PSMD11: variants seen among roughly 807,000 people sequenced by gnomAD.
The protein encoded by PSMD11 is 26S proteasome non-ATPase regulatory subunit 11.
Under a neutral mutation model 62.3 loss-of-function variants are expected in PSMD11, and 5 were observed. The observed-to-expected ratio is 0.08, with a 90% CI of 0.04 to 0.17. The LOEUF is 0.17. Among genes scored for constraint, PSMD11 ranks in the 10% least tolerant of loss-of-function variants. The pLI is 1.00. For missense variants in PSMD11, 310 were observed against 512.9 expected, an observed-to-expected ratio of 0.60 and a Z score of 3.82; for synonymous variants, 191 against 191.8, an observed-to-expected ratio of 1.00 and a Z score of 0.03.
At chr17:32,477,782 A>G (rs1908373298) in intron 9 of PSMD11, 199 bp downstream of exon 9, 7 of 384,162 alleles carry the variant, frequency 1.8e-5, no homozygotes, top group Non-Finnish European at 3.2e-5. Flanking sequence ...GATATAAAAT[A>G]TATATTATTT....
At chr17:32,474,661 G>C in intron 7 of PSMD11, 103 bp from the exon 8 acceptor site, 1 of 1,122,194 alleles carries the variant, frequency 8.9e-7, no homozygotes, top group Non-Finnish European at 1.4e-6. Context: ...TGTGTGGGCA[G>C]AGTCTTTATT....
intron 3 of PSMD11, among the ~76,000 whole-genome samples, chr17:32,456,007 G>C (rs995300642): frequency 6.6e-6 from 1 of 151,878 alleles, no homozygotes; most frequent in Non-Finnish European, 1.5e-5. Context: ...AGCCAGGTGT[G>C]GTGGTGGGCG....
At chr17:32,457,325 C>A (rs1290091533) in intron 3 of PSMD11, among the ~76,000 whole-genome samples, 1 of 152,074 alleles carries the variant, frequency 6.6e-6, no homozygotes, top group Non-Finnish European at 1.5e-5. Context: ...GCAGCCTCAA[C>A]CTCCTGGAGT....
chr17:32,480,824 A>T lies in PSMD11; in HGVS notation c.*72A>T. 1 of 564,068 alleles carries T rather than the reference A, an allele frequency of 1.8e-6. No individual in the cohort carries two copies. 34.9% of individuals were successfully genotyped at this position (564,068 alleles called of 1,614,324 possible). A position where few individuals can be genotyped will look rare whatever the true frequency, so the allele number is the denominator to read the frequency against. On this transcript the variant is annotated 3_prime_UTR_variant, in exon 14 of 14. Coordinates refer to ENST00000261712, the MANE Select transcript of PSMD11 (RefSeq NM_002815.4). Reference sequence around the variant, plus strand: ...TGAAACCTTGGGGGAAAATGCTAGGAGATTCTTTTTTCTTTTTGTTCTACT... The same window carrying T: ...TGAAACCTTGGGGGAAAATGCTAGGTGATTCTTTTTTCTTTTTGTTCTACT...
chr17:32,467,981 G>T (rs1908046360), intron 5 of PSMD11, among the ~76,000 whole-genome samples: 1 of 152,124 alleles, frequency 6.6e-6, no homozygotes, highest in East Asian at 1.9e-4. Context: ...AGGCCTTAGT[G>T]TGTGGTGTTC....
intron 9 of PSMD11, among the ~76,000 whole-genome samples, chr17:32,478,741 C>G (rs139205911): frequency 4.4e-4 from 67 of 152,236 alleles, no homozygotes; most frequent in African/African-American, 1.5e-3. Context: ...CCATGGAGAC[C>G]CTATTTATTC....
At position 32,479,937 on chromosome 17, in the gene PSMD11, G is replaced by A. The variant is rs762460080; in HGVS notation, c.1074+51G>A. ...GGGAGGAATGGGACGGGGTGGCGAG[G>A]AGGGGTGGCACATGCACCTGATTGG... On this transcript the variant is annotated intron_variant, in intron 11 of 13. Coordinates refer to ENST00000261712, the MANE Select transcript of PSMD11 (RefSeq NM_002815.4). 5.7e-6 allele frequency: 9 copies of A among 1,588,032 alleles called. No homozygotes were observed. The South Asian group carries it at 8.8e-5, about 16-fold the overall frequency.
At position 32,483,258 on chromosome 17, in the gene PSMD11, T is replaced by C. The variant is rs1908561828; in HGVS notation, c.*2506T>C. ...GGAGTGTAAAATATGTCAATAACTT[T>C]TTTATATATGTGTTGAAATATTTTG... On this transcript the variant is annotated 3_prime_UTR_variant, in exon 14 of 14. Transcript: ENST00000261712. 1 of 152,260 alleles carries C rather than the reference T, an allele frequency of 6.6e-6. No individual in the cohort carries two copies. Among genetic ancestry groups the C allele is most frequent in the African/African-American group, 2.4e-5 (1 of 41,468 alleles). 9.4% of individuals were successfully genotyped at this position (152,260 alleles called of 1,614,324 possible).
chr17:32,451,863 C>A, intron 2 of PSMD11, among the ~76,000 whole-genome samples: 1 of 152,154 alleles, frequency 6.6e-6, no homozygotes, highest in East Asian at 1.9e-4. Flanking sequence ...CTCAGCCCGC[C>A]AAGTAACTGG....
In PSMD11 at chr17:32,471,129, CTG is replaced by C. The variant is rs575502944; in HGVS notation, c.643+1938_643+1939del. 4.2e-3 allele frequency among the ~76,000 whole-genome samples: 634 copies of C among 152,304 alleles called. 5 individuals are homozygous for C. Among genetic ancestry groups the C allele is most frequent in the Admixed American group, 7.3e-3 (111 of 15,304 alleles). On this transcript the variant is annotated intron_variant, in intron 6 of 13. Transcript: ENST00000261712. ...GTAAACAAATGGATGGGGCTGAGGT[CTG>C]TAACTTCTTAAAGGGCTGGGGCAGA...
chr17:32,454,616 G>A lies in PSMD11; in HGVS notation c.315G>A (p.Gln105=), dbSNP rs753095750. 6.2e-7 allele frequency: 1 copy of A among 1,610,882 alleles called. No homozygotes were observed. Among genetic ancestry groups the A allele is most frequent in the Admixed American group, 1.7e-5 (1 of 58,980 alleles). ...TTGATATGGAAGCAGCTACAGGGCA[G>A]GAGGTAAGTGATATTAATGACAGAA... ...LFLDMEAATG[Q]EVELCLECIE... The change falls in exon 3 of 14, where the codon CAG becomes CAA. Residue 105 remains glutamine, a synonymous_variant. Transcript: ENST00000261712.
intron 5 of PSMD11, 103 bp from the exon 6 acceptor site, chr17:32,468,896 T>A: frequency 1.8e-5 from 4 of 217,780 alleles, no homozygotes; most frequent in South Asian, 1.3e-4. Context: ...AGTTCAGGAA[T>A]TTTTTTTTTT....
Position 32,464,586 on chromosome 17 carries a change from A to G in PSMD11, c.448+8A>G. ...AGGAAGCATTGCATTTGGGTAAGTA[A>G]GCTGGTAATAAGTCATCTCAGCTAG... On this transcript the variant is annotated splice_region_variant and intron_variant, in intron 5 of 13. Transcript: ENST00000261712. The G allele has an allele frequency of 6.2e-7, 1 of 1,601,036 alleles. No individual in the cohort carries two copies. Among genetic ancestry groups the G allele is most frequent in the Non-Finnish European group, 8.5e-7 (1 of 1,170,100 alleles).
chr17:32,479,296 A>G lies in PSMD11; in HGVS notation c.958A>G (p.Ser320Gly). ...RAELRDDPII[S>G]THLAKLYDNL... is the part of the protein sequence containing the mutation. ...AGAGCTCCGGGATGACCCAATCATC[A>G]GCACACACTTGGCCAAGTTGTATGA... Residue 320 changes from serine to glycine, a missense_variant, in exon 10 of 14, where the codon AGC becomes GGC. Around this residue, in one of 6 missense-constraint regions of PSMD11, gnomAD observed 135 missense variants for 195.4 expected, o/e 0.69. Transcript: ENST00000261712. 2 of 1,614,248 alleles carry G rather than the reference A, an allele frequency of 1.2e-6. No homozygotes were observed. The highest frequency in any genetic ancestry group is 3.3e-4 in the Middle Eastern group (2 of 6,062).
intron 2 of PSMD11, 99 bp from the exon 3 acceptor site, chr17:32,454,396 G>A (rs541483370): frequency 8.4e-5 from 105 of 1,249,818 alleles, no homozygotes; most frequent in Middle Eastern, 1.9e-4. Flanking sequence ...TTCCAGTGAT[G>A]TAAGTACCGA....
intron 2 of PSMD11, among the ~76,000 whole-genome samples, chr17:32,450,672 TAACTC>T (rs1421434394): frequency 6.6e-6 from 1 of 151,982 alleles, no homozygotes; most frequent in Non-Finnish European, 1.5e-5. Context: ...AAAAAAAAAT[TAACTC>T]AGTATGTATG....
chr17:32,453,197 A>G (rs1907557484), intron 2 of PSMD11, among the ~76,000 whole-genome samples: 1 of 152,204 alleles, frequency 6.6e-6, no homozygotes, highest in African/African-American at 2.4e-5. Flanking sequence ...TACATAATAT[A>G]ATTGAAATAA....
In PSMD11 at chr17:32,480,569, A is replaced by G; in HGVS notation, c.1207A>G (p.Thr403Ala). The G allele has an allele frequency of 1.2e-6, 2 of 1,614,150 alleles. No homozygotes were observed. Among genetic ancestry groups the G allele is most frequent in the South Asian group, 1.1e-5 (1 of 91,082 alleles). Residue 403 changes from threonine (T) to alanine (A), a missense_variant, in exon 13 of 14, where the codon ACA becomes GCA. By Grantham distance (58) the Thr-to-Ala change is moderately conservative. Around this residue, in one of 6 missense-constraint regions of PSMD11, gnomAD observed 135 missense variants for 195.4 expected, o/e 0.69. Coordinates refer to ENST00000261712, the MANE Select transcript of PSMD11 (RefSeq NM_002815.4). ...TAAAACTTACGAAGCTGCTCTGGAAACAATTCAGAACATGAGCAAAGTAGT... is the reference window on the plus strand; with the variant it reads ...TAAAACTTACGAAGCTGCTCTGGAAGCAATTCAGAACATGAGCAAAGTAGT... The part of the protein sequence containing the change: ...VDKTYEAALE[T>A]IQNMSKVVDS...
intron 6 of PSMD11, among the ~76,000 whole-genome samples, chr17:32,472,842 C>CTT (rs74197607): frequency 5.6e-5 from 7 of 125,014 alleles, no homozygotes; most frequent in East Asian, 2.6e-4. Context: ...CGGCCTTTTT[C>CTT]TTTTTTTTTT....
Sources: gnomAD v4.1 joint callset for allele counts (sites outside exome capture counted in the v4.1 genomes callset) on GRCh38, gnomAD v4.1.1 for gene constraint, gnomAD v4.1.1 regional missense constraint, MANE v1.5 for transcripts, NCBI Gene and HGNC (gene_info 2026-07-23, HGNC 2026-07-21) for gene names.